Variants in VPS13B observed in about 807,000 individuals in gnomAD.
The protein encoded by VPS13B is vacuolar protein sorting 13 homolog B.
In VPS13B, 285 loss-of-function variants were observed where a neutral mutation model predicts 426.4. That is an observed-to-expected ratio of 0.67 (90% confidence interval 0.61 to 0.74). The LOEUF is 0.74. VPS13B is among the 30% of genes least tolerant of loss of function. The probability of loss-of-function intolerance (pLI) is 0.00; values close to 1 mark genes in which losing one functional copy is unlikely to be tolerated. For missense variants in VPS13B, 4,537 were observed against 4,782.6 expected (o/e 0.95, Z 1.51); for synonymous variants, 1,676 against 1,676.4 (o/e 1.00, Z 0.01).
intron 51 of VPS13B, among the ~76,000 whole-genome samples, chr8:99,831,176 G>A (rs551639492): frequency 1.3e-3 from 188 of 148,080 alleles, no homozygotes; most frequent in African/African-American, 4.2e-3. Context: ...GGGTTCAAGC[G>A]ATTCTCCTGC....
At chr8:99,309,107 A>G (rs1820807273) in intron 19 of VPS13B, among the ~76,000 whole-genome samples, 2 of 152,136 alleles carry the variant, frequency 1.3e-5, no homozygotes, top group South Asian at 2.1e-4. Flanking sequence ...GTAGATTGCA[A>G]AAATTTTCTC....
chr8:99,424,600 G>A (rs1816583274), intron 21 of VPS13B: 1 of 152,178 alleles, frequency 6.6e-6, no homozygotes, highest in Non-Finnish European at 1.5e-5. Flanking sequence ...GCTCACAAGA[G>A]AAAGCAGGAA....
rs564616026 is a variant in VPS13B, at chr8:99,375,861, G to A, written c.2825-8347G>A. Among the ~76,000 whole-genome samples, 6 of 151,936 alleles carry A rather than the reference G, an allele frequency of 3.9e-5. No individual in the cohort carries two copies. In the South Asian group the frequency reaches 6.2e-4, roughly 16 times the overall value. On this transcript the variant is annotated intron_variant, in intron 19 of 61. Transcript: ENST00000357162. ...TAATATGTTTGTGTTTTTTTGTCTC[G>A]TTCATTGGTTTAAGAAAAAACACAG...
At chr8:99,591,860 G>C (rs1449216751) in intron 33 of VPS13B, among the ~76,000 whole-genome samples, 2 of 152,006 alleles carry the variant, frequency 1.3e-5, no homozygotes, top group Non-Finnish European at 2.9e-5. Context: ...GAGTATCTTT[G>C]TGGTGTTCTC....
chr8:99,403,548 CAAAAAA>C (rs200871879), intron 21 of VPS13B, among the ~76,000 whole-genome samples: 1 of 91,582 alleles, frequency 1.1e-5, no homozygotes, highest in South Asian at 4.0e-4. Flanking sequence ...GACTCTGTCT[CAAAAAA>C]AAAAAAAAAA....
At chr8:99,638,806 A>T (rs1829175482) in intron 33 of VPS13B, among the ~76,000 whole-genome samples, 1 of 152,082 alleles carries the variant, frequency 6.6e-6, no homozygotes, top group African/African-American at 2.4e-5. Flanking sequence ...CTCCATTTAC[A>T]TTTCTTTATA....
At chr8:99,328,529 C>T (rs898227138) in intron 19 of VPS13B, among the ~76,000 whole-genome samples, 1 of 152,044 alleles carries the variant, frequency 6.6e-6, no homozygotes, top group Non-Finnish European at 1.5e-5. Context: ...TCTCTGTTTC[C>T]AACTTTGGTG....
chr8:99,750,924 T>C lies in VPS13B; in HGVS notation c.7051-15850T>C, dbSNP rs115659292. 9.1e-3 allele frequency among the ~76,000 whole-genome samples: 1,379 copies of C among 152,190 alleles called. 29 individuals carry two copies. Among genetic ancestry groups the C allele is most frequent in the African/African-American group, 0.032 (1,332 of 41,536 alleles). On this transcript the variant is annotated intron_variant, in intron 39 of 61. Transcript: ENST00000357162. ...TTCAAGAAACTGAATGGAGACAAAC[T>C]GATGACAGCTAAAGGTCTATGTAGT...
intron 35 of VPS13B, chr8:99,697,380 C>A: frequency 1.7e-6 from 1 of 603,240 alleles, no homozygotes; most frequent in South Asian, 2.0e-5. Context: ...TGAAGCAGTC[C>A]TGTGGTCAGA....
intron 44 of VPS13B, among the ~76,000 whole-genome samples, chr8:99,811,267 A>G (rs1351168540): frequency 6.6e-6 from 1 of 152,098 alleles, no homozygotes; most frequent in Non-Finnish European, 1.5e-5. Flanking sequence ...ACCTTTCCCC[A>G]TTCCCTAGAA....
intron 17 of VPS13B, among the ~76,000 whole-genome samples, chr8:99,195,750 T>C (rs939931189): frequency 2.0e-5 from 3 of 152,208 alleles, no homozygotes; most frequent in Non-Finnish European, 4.4e-5. Context: ...TGGTGTTAGA[T>C]AAAGATTCAA....
chr8:99,611,083 T>C (rs1459499838), intron 33 of VPS13B, among the ~76,000 whole-genome samples: 1 of 152,196 alleles, frequency 6.6e-6, no homozygotes, highest in Admixed American at 6.5e-5. Flanking sequence ...CTAAGCAGTG[T>C]TTTATGGGAA....
chr8:99,062,618 G>C (rs569769563), intron 3 of VPS13B, among the ~76,000 whole-genome samples: 1 of 151,962 alleles, frequency 6.6e-6, no homozygotes, highest in Non-Finnish European at 1.5e-5. Context: ...ACAGGCATGC[G>C]CCACCACGCC....
intron 24 of VPS13B, among the ~76,000 whole-genome samples, chr8:99,469,682 A>G (rs185357043): frequency 6.6e-6 from 1 of 152,294 alleles, no homozygotes; most frequent in Admixed American, 6.5e-5. Context: ...TTATGGATTG[A>G]ATTGTGTCCC....
chr8:99,474,183 A>ATTTGTTTTTTTTTTT (rs1819563777), intron 24 of VPS13B, among the ~76,000 whole-genome samples: 1 of 124,994 alleles, frequency 8.0e-6, no homozygotes, highest in African/African-American at 3.3e-5. Flanking sequence ...CTGTTATCCA[A>ATTTGTTTTTTTTTTT]TTTTTTTTTT....
At chr8:99,814,320 A>G (rs1813894940) in intron 44 of VPS13B, among the ~76,000 whole-genome samples, 1 of 152,230 alleles carries the variant, frequency 6.6e-6, no homozygotes. Context: ...TAGCAAGTTA[A>G]TGAGGCAGAT....
intron 28 of VPS13B, among the ~76,000 whole-genome samples, chr8:99,508,702 C>G (rs530532790): frequency 1.3e-5 from 2 of 151,662 alleles, no homozygotes; most frequent in African/African-American, 4.8e-5. Context: ...ATAAAGAAAC[C>G]GTAAATTTAT....
At chr8:99,055,712 A>G (rs1332308169) in intron 3 of VPS13B, among the ~76,000 whole-genome samples, 1 of 151,924 alleles carries the variant, frequency 6.6e-6, no homozygotes, top group Admixed American at 6.6e-5. Flanking sequence ...ATACACCACC[A>G]ATTTTGGTGA....
intron 19 of VPS13B, among the ~76,000 whole-genome samples, chr8:99,366,893 A>C (rs1445201749): frequency 6.6e-6 from 1 of 152,108 alleles, no homozygotes; most frequent in Non-Finnish European, 1.5e-5. Context: ...AAAACTCTAC[A>C]CATTAACTTT....
Sources: allele counts gnomAD v4.1 joint callset (sites outside exome capture counted in the v4.1 genomes callset), GRCh38; gene constraint gnomAD v4.1.1; transcripts MANE v1.5; gene names NCBI Gene and HGNC (gene_info 2026-07-23, HGNC 2026-07-21).